The following DOK1 variants were observed in gnomAD, a reference collection of about 807,000 sequenced individuals.
DOK1 encodes Downstream of tyrosine kinase 1.
DOK1 carries 12 observed loss-of-function variants against 24.0 expected under a neutral mutation model. That is an observed-to-expected ratio of 0.50 (90% confidence interval 0.32 to 0.81). The LOEUF is 0.81. Ranked by LOEUF, DOK1 falls within the 30% of genes least tolerant of loss-of-function variation. The pLI is 0.03. For synonymous variants in DOK1, 250 were observed against 260.9 expected (o/e 0.96, Z 0.40); for missense variants, 591 against 620.7 (o/e 0.95, Z 0.51).
upstream of DOK1, among the ~76,000 whole-genome samples, chr2:74,550,694 A>G (rs1245176644): frequency 2.0e-5 from 3 of 152,172 alleles, no homozygotes; most frequent in Non-Finnish European, 4.4e-5. Flanking sequence ...TGGTGTGCAC[A>G]TATGTGATCA....
In DOK1 at chr2:74,555,113, C is replaced by T. The variant is rs1677331513; in HGVS notation, c.61-41C>T. On this transcript the variant is annotated intron_variant, in intron 1 of 4. Transcript: ENST00000233668. This position sits in a 1 kb window ranked among gnomAD's most constrained non-coding sequence, Gnocchi z 6.1. ...TCCCCGTCGGGACCCGGGCCGCCTG[C>T]GCACGCCACTCCCTCTCGAGCACTC... is the stretch of plus-strand genomic sequence containing the variant. 3 of 1,573,866 alleles carry T rather than the reference C, an allele frequency of 1.9e-6. No individual in the cohort carries two copies. Among genetic ancestry groups the T allele is most frequent in the African/African-American group, 1.4e-5 (1 of 74,032 alleles).
chr2:74,555,747 C>A lies in DOK1; in HGVS notation c.454+79C>A. On this transcript the variant is annotated intron_variant, in intron 3 of 4. Coordinates refer to ENST00000233668, the MANE Select transcript of DOK1 (RefSeq NM_001381.5). The surrounding 1 kb of genome is among the most constrained non-coding windows in gnomAD (Gnocchi z 6.1). Reference sequence around the variant, plus strand: ...GGCCTTTGGGAAGTGGGTGGATACCCAGGGGCCCATGGGGAAGTAAGAAGT... The same window carrying A: ...GGCCTTTGGGAAGTGGGTGGATACCAAGGGGCCCATGGGGAAGTAAGAAGT... 6.2e-7 allele frequency: 1 copy of A among 1,603,510 alleles called. No individual in the cohort carries two copies. Among genetic ancestry groups the A allele is most frequent in the South Asian group, 1.1e-5 (1 of 90,088 alleles).
In DOK1 at chr2:74,555,938, C is replaced by A. The variant is rs774604409; in HGVS notation, c.499C>A (p.Arg167Ser). Reference protein sequence around the residue: ...VTVQRTEAAERCGLHGSYVLR... With the variant: ...VTVQRTEAAESCGLHGSYVLR... ...GGTGCAGAGGACTGAGGCCGCCGAGCGCTGTGGCCTGCATGGCTCCTACGT... is the reference window on the plus strand; with the variant it reads ...GGTGCAGAGGACTGAGGCCGCCGAGAGCTGTGGCCTGCATGGCTCCTACGT... The change falls in exon 4 of 5, where the codon CGC (arginine) becomes AGC (serine). Residue 167 changes from arginine to serine, a missense_variant. Coordinates refer to ENST00000233668, the MANE Select transcript of DOK1 (RefSeq NM_001381.5). The surrounding 1 kb of genome is among the most constrained non-coding windows in gnomAD (Gnocchi z 6.1). The A allele has an allele frequency of 8.7e-6, 14 of 1,612,920 alleles. No homozygotes were observed. Among genetic ancestry groups the A allele is most frequent in the Admixed American group, 1.7e-5 (1 of 59,892 alleles).
rs757915308 is a variant in DOK1, at chr2:74,556,600, A to G, written c.932A>G (p.Gln311Arg). Residue 311 changes from glutamine (Q) to arginine (R), a missense_variant, in exon 5 of 5, where the codon CAG becomes CGG. Gln to Arg is a conservative substitution (Grantham distance 43, BLOSUM62 1). Coordinates refer to ENST00000233668, the MANE Select transcript of DOK1 (RefSeq NM_001381.5). This position sits in a 1 kb window ranked among gnomAD's most constrained non-coding sequence, Gnocchi z 4.1. ...DSLRIAPCPS[Q>R]DSLYSDPLDS... ...CTGCGCATTGCTCCATGCCCTTCCC[A>G]GGACTCCCTATACTCAGACCCCTTG... The G allele has an allele frequency of 5.0e-6, 8 of 1,614,192 alleles. No individual in the cohort carries two copies. In the South Asian group the frequency reaches 8.8e-5, roughly 18 times the overall value.
chr2:74,549,871 A>G, upstream of DOK1: 3 of 985,462 alleles, frequency 3.0e-6, no homozygotes, highest in Non-Finnish European at 3.6e-6. The surrounding 1 kb of genome is among the most constrained non-coding windows in gnomAD (Gnocchi z 5.3). Flanking sequence ...AATGGCTTTG[A>G]AGGAGGAGAA....
At position 74,556,107 on chromosome 2, in the gene DOK1, G is replaced by C; in HGVS notation, c.639+29G>C. 1 of 1,553,160 alleles carries C rather than the reference G, an allele frequency of 6.4e-7. No homozygotes were observed. Among genetic ancestry groups the C allele is most frequent in the Non-Finnish European group, 8.7e-7 (1 of 1,147,652 alleles). ...CAGGGGCTGTCCGGGAGGGCTTCCT[G>C]GGTTGGGCAGCTGTGGGAGGGGTGG... is the stretch of plus-strand genomic sequence containing the variant. On this transcript the variant is annotated intron_variant, in intron 4 of 4. Coordinates refer to ENST00000233668, the MANE Select transcript of DOK1 (RefSeq NM_001381.5). This position sits in a 1 kb window ranked among gnomAD's most constrained non-coding sequence, Gnocchi z 4.1.
chr2:74,549,373 A>C lies in DOK1; in HGVS notation c.-358+201A>C. On this transcript the variant is annotated intron_variant, in intron 1 of 4. Transcript: ENST00000409429. This position sits in a 1 kb window ranked among gnomAD's most constrained non-coding sequence, Gnocchi z 5.3. ...CCGGCGCCCGCGGCCCCTCACCTGT[A>C]GAAGGCCGCGTTGACCCTCTTTTCG... The C allele has an allele frequency of 1.2e-6, 2 of 1,601,514 alleles. No individual in the cohort carries two copies. The highest frequency in any genetic ancestry group is 1.7e-6 in the Non-Finnish European group (2 of 1,174,084).
chr2:74,550,882 G>A (rs780212106), upstream of DOK1, among the ~76,000 whole-genome samples: 8 of 151,720 alleles, frequency 5.3e-5, no homozygotes, highest in East Asian at 1.9e-4. Context: ...TCTTGTGCCC[G>A]CCCTGTCTGT....
At position 74,549,580 on chromosome 2, in the gene DOK1, C is replaced by T. The variant is rs755891381; in HGVS notation, c.-358+408C>T. The stretch of plus-strand genomic sequence containing the variant: ...ACCTCCTCCACTTGCAGGTGATGCT[C>T]TACCTGGGGGCGGGGCCACAAGCAG... On this transcript the variant is annotated intron_variant, in intron 1 of 4. Transcript: ENST00000409429. The surrounding 1 kb of genome is among the most constrained non-coding windows in gnomAD (Gnocchi z 5.3). The T allele has an allele frequency of 2.5e-6, 4 of 1,606,410 alleles. No homozygotes were observed. The African/African-American group carries it at 5.3e-5, about 21-fold the overall frequency.
At position 74,555,611 on chromosome 2, in the gene DOK1, C is replaced by A; in HGVS notation, c.397C>A (p.Pro133Thr). The change falls in exon 3 of 5, where the codon CCT (proline) becomes ACT (threonine). Residue 133 changes from proline to threonine, a missense_variant. Physicochemically the swap from Pro to Thr is conservative, Grantham distance 38. Transcript: ENST00000233668. The surrounding 1 kb of genome is among the most constrained non-coding windows in gnomAD (Gnocchi z 6.1). ...GACTCTGGCGCCTACCGATAACCCA[C>A]CTAAGCTTTCTGCCCTGGAGATGCT... Reference protein sequence around the residue: ...SWTLAPTDNPPKLSALEMLEN... With the variant: ...SWTLAPTDNPTKLSALEMLEN... The A allele has an allele frequency of 6.2e-7, 1 of 1,614,192 alleles. No individual in the cohort carries two copies. Among genetic ancestry groups the A allele is most frequent in the Non-Finnish European group, 8.5e-7 (1 of 1,180,040 alleles).
Position 74,556,270 on chromosome 2 carries a change from G to A in DOK1, c.640-38G>A. 1.3e-6 allele frequency: 2 copies of A among 1,588,182 alleles called. No individual in the cohort carries two copies. Among genetic ancestry groups the A allele is most frequent in the Middle Eastern group, 1.7e-4 (1 of 5,954 alleles). On this transcript the variant is annotated intron_variant, in intron 4 of 4. Coordinates refer to ENST00000233668, the MANE Select transcript of DOK1 (RefSeq NM_001381.5). This position sits in a 1 kb window ranked among gnomAD's most constrained non-coding sequence, Gnocchi z 4.1. ...AGGCGTGTGACTCACTTCCTCTGATGGCTCCTGGTAATGTGTTTCCCCCTC... is the reference window on the plus strand; with the variant it reads ...AGGCGTGTGACTCACTTCCTCTGATAGCTCCTGGTAATGTGTTTCCCCCTC...
upstream of DOK1, chr2:74,554,523 C>A (rs1216308255): frequency 1.7e-6 from 1 of 572,372 alleles, no homozygotes; most frequent in Non-Finnish European, 3.1e-6. The surrounding 1 kb of genome is among the most constrained non-coding windows in gnomAD (Gnocchi z 4.9). Context: ...TCGGTGGAGC[C>A]ACTGGCGCGC....
upstream of DOK1, among the ~76,000 whole-genome samples, chr2:74,553,611 T>C (rs1398494024): frequency 1.3e-5 from 2 of 152,206 alleles, no homozygotes; most frequent in East Asian, 3.9e-4. Context: ...AGCTTTGTTC[T>C]GGGTTGGGGA....
Position 74,549,642 on chromosome 2 carries a change from C to T in DOK1, c.-358+470C>T, listed in dbSNP as rs141984491. 1.0e-4 allele frequency: 158 copies of T among 1,537,040 alleles called. No homozygotes were observed. The highest frequency in any genetic ancestry group is 1.2e-4 in the Non-Finnish European group (140 of 1,134,184). The stretch of plus-strand genomic sequence containing the variant: ...CAGTGGCACCTTTCATGTGTCCCGC[C>T]GCCCTTAAGGAACCCTGCTTGGTGT... On this transcript the variant is annotated intron_variant, in intron 1 of 4. Transcript: ENST00000409429. The surrounding 1 kb of genome is among the most constrained non-coding windows in gnomAD (Gnocchi z 5.3).
At chr2:74,552,254 G>A (rs116362093), upstream of DOK1, 1,149 of 1,444,512 alleles carry the variant, frequency 8.0e-4, 11 homozygotes, top group African/African-American at 0.014. Context: ...TGCCATCCTC[G>A]TGTTCCCTTT....
chr2:74,555,267 C>G lies in DOK1; in HGVS notation c.174C>G (p.Arg58=). ...CTGGGGGTGGCCGAGGGAGCTCGCG[C>G]CGCCTGGACTGCAAAGTGATCCGTC... ...SSSGGGRGSS[R]RLDCKVIRLA... is the part of the protein sequence containing the mutation. Residue 58 remains arginine, a synonymous_variant, in exon 2 of 5, where the codon CGC becomes CGG. Coordinates refer to ENST00000233668, the MANE Select transcript of DOK1 (RefSeq NM_001381.5). This position sits in a 1 kb window ranked among gnomAD's most constrained non-coding sequence, Gnocchi z 6.1. The G allele has an allele frequency of 6.2e-7, 1 of 1,614,040 alleles. No homozygotes were observed. The highest frequency in any genetic ancestry group is 8.5e-7 in the Non-Finnish European group (1 of 1,180,028).
Position 74,555,593 on chromosome 2 carries a change from G to T in DOK1, c.379G>T (p.Ala127Ser), listed in dbSNP as rs752088037. 76 of 1,614,092 alleles carry T rather than the reference G, an allele frequency of 4.7e-5. 1 individual carries two copies. In the South Asian group the frequency reaches 8.0e-4, roughly 17 times the overall value. The change falls in exon 3 of 5, where the codon GCG (alanine) becomes TCG (serine). Residue 127 changes from alanine to serine, a missense_variant. By Grantham distance (99) the Ala-to-Ser change is moderately conservative. Transcript: ENST00000233668. The surrounding 1 kb of genome is among the most constrained non-coding windows in gnomAD (Gnocchi z 6.1). ...NAFPKGSWTLAPTDNPPKLSA... is the reference protein window; with the variant it reads ...NAFPKGSWTLSPTDNPPKLSA... Reference sequence around the variant, plus strand: ...ACTACAGAAAGGCAGCTGGACTCTGGCGCCTACCGATAACCCACCTAAGCT... The same window carrying T: ...ACTACAGAAAGGCAGCTGGACTCTGTCGCCTACCGATAACCCACCTAAGCT...
upstream of DOK1, chr2:74,552,314 T>C (rs780691408): frequency 1.9e-6 from 3 of 1,593,030 alleles, no homozygotes; most frequent in African/African-American, 4.0e-5. Context: ...GCCTGGATCA[T>C]TGCTCACCTG....
upstream of DOK1, chr2:74,553,740 G>C (rs982648340): frequency 1.3e-5 from 2 of 152,426 alleles, no homozygotes; most frequent in African/African-American, 4.8e-5. Flanking sequence ...TGTCTCACTT[G>C]CCCTTTGACA....
Sources: gnomAD v4.1 joint callset for allele counts (sites outside exome capture counted in the v4.1 genomes callset) on GRCh38, gnomAD v4.1.1 for gene constraint, Gnocchi (gnomAD v3.1) non-coding constraint, MANE v1.5 for transcripts, NCBI Gene and HGNC (gene_info 2026-07-23, HGNC 2026-07-21) for gene names.